Variants in SMCHD1 observed in about 807,000 individuals in gnomAD.
SMCHD1 encodes structural maintenance of chromosomes flexible hinge domain containing 1, also known as structural maintenance of chromosomes flexible hinge domain-containing protein 1.
A neutral mutation model predicts 254.7 loss-of-function variants in SMCHD1; 78 were observed. The ratio of observed to expected loss-of-function variants is 0.31; its 90% confidence interval spans 0.26 to 0.37. The LOEUF is 0.37. Among genes scored for constraint, SMCHD1 ranks in the 10% least tolerant of loss-of-function variants. The pLI is 1.00. For missense variants in SMCHD1, 1,840 were observed against 2,408.1 expected, an observed-to-expected ratio of 0.76 and a Z score of 4.94; for synonymous variants, 766 against 794.9, an observed-to-expected ratio of 0.96 and a Z score of 0.61.
chr18:2,685,211 G>T (rs555681875), intron 5 of SMCHD1, among the ~76,000 whole-genome samples: 1 of 143,440 alleles, frequency 7.0e-6, no homozygotes. Context: ...GCCATTCTCC[G>T]GCCTCAGCCT....
At chr18:2,690,190 A>G (rs1389433174) in intron 7 of SMCHD1, among the ~76,000 whole-genome samples, 6 of 152,214 alleles carry the variant, frequency 3.9e-5, no homozygotes, top group Non-Finnish European at 7.3e-5. Context: ...CAGCTTTTTA[A>G]AATATATACT....
Position 2,804,637 on chromosome 18 carries a change from C to A in SMCHD1, c.*2085C>A, listed in dbSNP as rs1466592418. 1 of 152,126 alleles carries A rather than the reference C, an allele frequency of 6.6e-6. No homozygotes were observed. The highest frequency in any genetic ancestry group is 1.5e-5 in the Non-Finnish European group (1 of 68,024). 9.4% of individuals were successfully genotyped at this position (152,126 alleles called of 1,614,324 possible). A position where few individuals can be genotyped will look rare whatever the true frequency, so the allele number is the denominator to read the frequency against. On this transcript the variant is annotated 3_prime_UTR_variant, in exon 48 of 48. Coordinates refer to ENST00000320876, the MANE Select transcript of SMCHD1 (RefSeq NM_015295.3). The stretch of plus-strand genomic sequence containing the variant: ...CCAGTAATTACAGTAAGGAGTTTTT[C>A]TATATTTTCACAGTTGGATTTATCT...
At chr18:2,659,755 G>T (rs2073187025) in intron 1 of SMCHD1, among the ~76,000 whole-genome samples, 1 of 119,678 alleles carries the variant, frequency 8.4e-6, no homozygotes, top group African/African-American at 3.6e-5. Context: ...CAATAAACTT[G>T]AGATTTTGAA....
chr18:2,778,024 T>C lies in SMCHD1; in HGVS notation c.5476+109T>C. On this transcript the variant is annotated intron_variant, in intron 43 of 47. Transcript: ENST00000320876. ...ATATTCTTATTTTGCTTATCAGTCA[T>C]AGTTTTATCAGTTTTTTTAGAGTAC... 3 of 1,007,908 alleles carry C rather than the reference T, an allele frequency of 3.0e-6. No individual in the cohort carries two copies. The South Asian group carries it at 5.2e-5, about 17-fold the overall frequency. 62.4% of individuals were successfully genotyped at this position (1,007,908 alleles called of 1,614,324 possible).
chr18:2,793,472 G>A (rs930453290), intron 45 of SMCHD1, among the ~76,000 whole-genome samples: 7 of 151,826 alleles, frequency 4.6e-5, no homozygotes, highest in African/African-American at 1.7e-4. Flanking sequence ...GACCATCCTG[G>A]CTAACACAGT....
At position 2,739,523 on chromosome 18, in the gene SMCHD1, T is replaced by C; in HGVS notation, c.3514+3T>C. On this transcript the variant is annotated splice_donor_region_variant and intron_variant, in intron 27 of 47. Coordinates refer to ENST00000320876, the MANE Select transcript of SMCHD1 (RefSeq NM_015295.3). ...CCAAGAGCTTCAAGGAGAAGTAGGTTAGTATGGCTTGCTTTAAAAAACAAA... is the reference window on the plus strand; with the variant it reads ...CCAAGAGCTTCAAGGAGAAGTAGGTCAGTATGGCTTGCTTTAAAAAACAAA... 1 of 1,606,410 alleles carries C rather than the reference T, an allele frequency of 6.2e-7. No homozygotes were observed. The highest frequency in any genetic ancestry group is 8.5e-7 in the Non-Finnish European group (1 of 1,176,466).
intron 39 of SMCHD1, among the ~76,000 whole-genome samples, chr18:2,770,829 C>G (rs763537010): frequency 1.3e-5 from 2 of 151,990 alleles, no homozygotes; most frequent in Admixed American, 6.6e-5. Flanking sequence ...CCATGTTGGC[C>G]GGGCTGGTCT....
chr18:2,660,491 T>TTTTTTG (rs2073217320), intron 1 of SMCHD1, among the ~76,000 whole-genome samples: 1 of 139,952 alleles, frequency 7.1e-6, no homozygotes, highest in African/African-American at 2.6e-5. Context: ...TTTTTTTTTT[T>TTTTTTG]GATGGGAGTT....
At chr18:2,768,707 T>C (rs1019406688) in intron 37 of SMCHD1, among the ~76,000 whole-genome samples, 26 of 106,132 alleles carry the variant, frequency 2.4e-4, no homozygotes, top group African/African-American at 7.7e-4. Context: ...TACTATATAC[T>C]ATACTATACA....
intron 25 of SMCHD1, among the ~76,000 whole-genome samples, chr18:2,733,490 A>G (rs1028809002): frequency 6.6e-6 from 1 of 152,220 alleles, no homozygotes; most frequent in Non-Finnish European, 1.5e-5. Flanking sequence ...GTGAGGGGAA[A>G]GTTGTTTTAA....
Position 2,772,315 on chromosome 18 carries a change from T to TAGA in SMCHD1, c.5122_5124dup (p.Arg1708dup). 3 of 1,608,892 alleles carry TAGA rather than the reference T, an allele frequency of 1.9e-6. No homozygotes were observed. Among genetic ancestry groups the TAGA allele is most frequent in the Non-Finnish European group, 2.5e-6 (3 of 1,178,000 alleles). On this transcript the variant is annotated inframe_insertion, in exon 41 of 48. Coordinates refer to ENST00000320876, the MANE Select transcript of SMCHD1 (RefSeq NM_015295.3). ...AACAAGAAGAACTGAAGAAAAAACC[T>TAGA]AGAAGATCGTGTACTCTTCCAAACT...
chr18:2,772,315 T>C lies in SMCHD1; in HGVS notation c.5118T>C (p.Pro1706=). The change falls in exon 41 of 48, where the codon CCT becomes CCC. Residue 1706 remains proline, a synonymous_variant. Transcript: ENST00000320876. ...AACAAGAAGAACTGAAGAAAAAACC[T>C]AGAAGATCGTGTACTCTTCCAAACT... ...LSEQEELKKK[P]RRSCTLPNYT... The C allele has an allele frequency of 1.9e-6, 3 of 1,608,890 alleles. No individual in the cohort carries two copies. The highest frequency in any genetic ancestry group is 2.5e-6 in the Non-Finnish European group (3 of 1,178,000).
chr18:2,740,911 GTT>G, intron 28 of SMCHD1, 90 bp downstream of exon 28: 1 of 716,492 alleles, frequency 1.4e-6, no homozygotes, highest in East Asian at 2.7e-5. Context: ...TAAGAAAAAA[GTT>G]TGATTTTAGT....
rs72203094 is a variant in SMCHD1 at position 2,729,709 on chromosome 18, CT to C, written c.3048+314del. On this transcript the variant is annotated intron_variant, in intron 24 of 47. Transcript: ENST00000320876. Reference sequence around the variant, plus strand: ...TAAAATACATAATTTTATTCTTTCGCTTTTTTTTTTTTTTAAAGAGATAGGG... The same window carrying C: ...TAAAATACATAATTTTATTCTTTCGCTTTTTTTTTTTTTAAAGAGATAGGG... 5.8e-3 allele frequency among the ~76,000 whole-genome samples: 812 copies of C among 140,366 alleles called. 6 individuals are homozygous for C. Among genetic ancestry groups the C allele is most frequent in the African/African-American group, 0.017 (639 of 38,102 alleles). 92.1% of individuals were successfully genotyped at this position (140,366 alleles called of 152,430 possible).
chr18:2,715,016 T>A (rs2074765638), intron 17 of SMCHD1, among the ~76,000 whole-genome samples: 1 of 152,236 alleles, frequency 6.6e-6, no homozygotes, highest in Non-Finnish European at 1.5e-5. Flanking sequence ...GCTTTTTCTC[T>A]TGCTGATTTT....
At position 2,796,548 on chromosome 18, in the gene SMCHD1, G is replaced by T. The variant is rs368882555; in HGVS notation, c.5993+27G>T. On this transcript the variant is annotated intron_variant, in intron 47 of 47. Coordinates refer to ENST00000320876, the MANE Select transcript of SMCHD1 (RefSeq NM_015295.3). ...TGAGTTTGTTTGACCTGAGAATTAT[G>T]CTTGGTTAGTTTACCAAAGTTCTTG... 3.8e-5 allele frequency: 55 copies of T among 1,453,006 alleles called. No individual in the cohort carries two copies. The African/African-American group carries it at 6.6e-4, about 17-fold the overall frequency. 90.0% of individuals were successfully genotyped at this position (1,453,006 alleles called of 1,614,324 possible).
intron 28 of SMCHD1, among the ~76,000 whole-genome samples, chr18:2,741,805 T>C (rs1181908854): frequency 6.6e-6 from 1 of 152,214 alleles, no homozygotes; most frequent in Non-Finnish European, 1.5e-5. Context: ...CCTGTCTTCC[T>C]ACATCTTCAG....
intron 35 of SMCHD1, among the ~76,000 whole-genome samples, chr18:2,761,755 T>C (rs1178506002): frequency 6.6e-6 from 1 of 152,082 alleles, no homozygotes; most frequent in Non-Finnish European, 1.5e-5. Context: ...GAGGCGGAGG[T>C]TGCAGTGAGC....
intron 30 of SMCHD1, among the ~76,000 whole-genome samples, chr18:2,748,341 GTTGTGTGTGTGTGTGT>G (rs1349993906): frequency 4.7e-4 from 47 of 100,420 alleles, no homozygotes; most frequent in African/African-American, 2.3e-3. Context: ...TCTTTGCAAA[GTTGTGTGTGTGTGTGT>G]GTGTGTGTGT....
Sources: allele counts gnomAD v4.1 joint callset (sites outside exome capture counted in the v4.1 genomes callset), GRCh38; gene constraint gnomAD v4.1.1; transcripts MANE v1.5; gene names NCBI Gene and HGNC (gene_info 2026-07-23, HGNC 2026-07-21).